The following SPOCK3 variants were observed in gnomAD, a reference collection of about 807,000 sequenced individuals.
SPOCK3 encodes testican-3.
A neutral mutation model predicts 56.6 loss-of-function variants in SPOCK3; 30 were observed. That is an observed-to-expected ratio of 0.53 (90% CI 0.40 to 0.72). The LOEUF (loss-of-function observed/expected upper bound fraction) is 0.72. Among genes scored for constraint, SPOCK3 ranks in the 30% least tolerant of loss-of-function variants. The pLI, the probability that SPOCK3 is intolerant of heterozygous loss-of-function variation, is 0.00. For missense variants in SPOCK3, 527 were observed against 530.0 expected (o/e 0.99, Z 0.06); for synonymous variants, 196 against 183.3 (o/e 1.07, Z -0.56).
intron 6 of SPOCK3, among the ~76,000 whole-genome samples, chr4:166,851,361 A>G (rs867160739): frequency 7.9e-5 from 12 of 152,214 alleles, no homozygotes; most frequent in African/African-American, 2.4e-4. Flanking sequence ...AACCACAAAG[A>G]TGGGGAAAAG....
At chr4:166,746,252 G>C (rs1281107709) in intron 8 of SPOCK3, among the ~76,000 whole-genome samples, 1 of 152,054 alleles carries the variant, frequency 6.6e-6, no homozygotes, top group African/African-American at 2.4e-5. Context: ...GCACTCCTCA[G>C]CCAGCAAATG....
At chr4:167,218,334 G>A (rs1240604316) in intron 2 of SPOCK3, among the ~76,000 whole-genome samples, 2 of 152,154 alleles carry the variant, frequency 1.3e-5, no homozygotes, top group African/African-American at 4.8e-5. Flanking sequence ...TAGTTCAAGA[G>A]TAGCAACTAG....
chr4:166,821,608 G>T (rs748752052), intron 6 of SPOCK3, among the ~76,000 whole-genome samples: 8 of 151,880 alleles, frequency 5.3e-5, no homozygotes, highest in Non-Finnish European at 1.2e-4. Flanking sequence ...GCAATAAAAA[G>T]GAACAAAGTA....
chr4:167,055,531 G>A (rs184005914), intron 3 of SPOCK3, among the ~76,000 whole-genome samples: 136 of 152,274 alleles, frequency 8.9e-4, no homozygotes, highest in African/African-American at 3.0e-3. Context: ...AAGGGGTCAG[G>A]GAGTTCCCTT....
At chr4:166,913,353 A>G (rs890330889) in intron 4 of SPOCK3, among the ~76,000 whole-genome samples, 1 of 152,134 alleles carries the variant, frequency 6.6e-6, no homozygotes, top group Non-Finnish European at 1.5e-5. Flanking sequence ...TCTGCCACCT[A>G]CACTTACGAT....
At chr4:166,937,055 T>G (rs1194288010) in intron 4 of SPOCK3, among the ~76,000 whole-genome samples, 69 of 152,222 alleles carry the variant, frequency 4.5e-4, no homozygotes, top group Non-Finnish European at 8.2e-4. Context: ...TTTAGCTGAA[T>G]TTCACTATGT....
At chr4:166,886,501 T>C (rs938434882) in intron 6 of SPOCK3, among the ~76,000 whole-genome samples, 1 of 152,154 alleles carries the variant, frequency 6.6e-6, no homozygotes, top group Non-Finnish European at 1.5e-5. Context: ...CTTGAATGTA[T>C]GTATTTGGAC....
At chr4:167,062,435 A>G in intron 3 of SPOCK3, 57 bp downstream of exon 3, 1 of 1,324,520 alleles carries the variant, frequency 7.5e-7, no homozygotes, top group South Asian at 1.3e-5. Flanking sequence ...TCATTTCTAA[A>G]AGTACAATGA....
intron 8 of SPOCK3, among the ~76,000 whole-genome samples, chr4:166,744,099 A>G (rs1465076676): frequency 6.6e-6 from 1 of 152,172 alleles, no homozygotes; most frequent in Non-Finnish European, 1.5e-5. Flanking sequence ...AGCTTTGAAG[A>G]GAGCAGTGGT....
At chr4:166,943,402 A>T (rs1233731351) in intron 4 of SPOCK3, among the ~76,000 whole-genome samples, 1 of 152,226 alleles carries the variant, frequency 6.6e-6, no homozygotes, top group South Asian at 2.1e-4. Flanking sequence ...AAAGAGATAT[A>T]ATACTTAATA....
In SPOCK3 at chr4:167,000,293, T is replaced by C; in HGVS notation, c.350+56A>G. Reference sequence around the variant, plus strand: ...ACTGCCAAATATTTATACTCTGCAGTTATTCCTGGTAAGGAGCGCTGTTCA... The same window carrying C: ...ACTGCCAAATATTTATACTCTGCAGCTATTCCTGGTAAGGAGCGCTGTTCA... On this transcript the variant is annotated intron_variant, in intron 4 of 10. Coordinates refer to ENST00000357545, the MANE Select transcript of SPOCK3 (RefSeq NM_001040159.2). 4 of 825,626 alleles carry C rather than the reference T, an allele frequency of 4.8e-6. No homozygotes were observed. The South Asian group carries it at 6.8e-5, about 14-fold the overall frequency. The allele number at this position is 825,626 out of a possible 1,614,324, so 51.1% of individuals were successfully genotyped here. A position where few individuals can be genotyped will look rare whatever the true frequency, so the allele number is the denominator to read the frequency against.
At chr4:166,741,960 A>G in intron 9 of SPOCK3, 37 bp downstream of exon 9, 1 of 1,426,550 alleles carries the variant, frequency 7.0e-7, no homozygotes, top group Non-Finnish European at 9.9e-7. Flanking sequence ...TATTTATGTA[A>G]GCAATAAAGC....
intron 4 of SPOCK3, among the ~76,000 whole-genome samples, chr4:166,962,147 T>C (rs1744212079): frequency 6.6e-6 from 1 of 152,158 alleles, no homozygotes; most frequent in Admixed American, 6.6e-5. Context: ...ACTATGAGCC[T>C]ACTCCAATAA....
chr4:166,957,895 C>G (rs1743672141), intron 4 of SPOCK3, among the ~76,000 whole-genome samples: 1 of 152,048 alleles, frequency 6.6e-6, no homozygotes, highest in Non-Finnish European at 1.5e-5. Flanking sequence ...ATTAGCTTTA[C>G]TCAGATGAGA....
At chr4:166,915,014 G>T (rs1226562563) in intron 4 of SPOCK3, among the ~76,000 whole-genome samples, 1 of 151,870 alleles carries the variant, frequency 6.6e-6, no homozygotes, top group East Asian at 1.9e-4. Context: ...TAGTTTTGAT[G>T]CTGGTCAGGA....
At chr4:166,752,569 T>TAC (rs1736544754) in intron 8 of SPOCK3, among the ~76,000 whole-genome samples, 6 of 9,024 alleles carry the variant, frequency 6.6e-4, no homozygotes, top group African/African-American at 3.0e-3. Flanking sequence ...TATATATATA[T>TAC]ATATACACAC....
chr4:166,783,498 A>G (rs1228468497), intron 7 of SPOCK3, among the ~76,000 whole-genome samples: 1 of 152,210 alleles, frequency 6.6e-6, no homozygotes, highest in African/African-American at 2.4e-5. Flanking sequence ...AAAAATAAGC[A>G]TGCATTACTT....
chr4:167,061,767 A>AT (rs900574810), intron 3 of SPOCK3, among the ~76,000 whole-genome samples: 14 of 151,988 alleles, frequency 9.2e-5, no homozygotes, highest in East Asian at 3.9e-4. Context: ...TAAAGAAGAA[A>AT]TTTTTTTTCT....
chr4:166,914,537 G>A (rs1262961430), intron 4 of SPOCK3, among the ~76,000 whole-genome samples: 5 of 152,168 alleles, frequency 3.3e-5, no homozygotes, highest in African/African-American at 9.7e-5. Flanking sequence ...GTGGGAGGCC[G>A]AGACAGGCGG....
Sources: allele counts gnomAD v4.1 joint callset (sites outside exome capture counted in the v4.1 genomes callset), GRCh38; gene constraint gnomAD v4.1.1; transcripts MANE v1.5; gene names NCBI Gene and HGNC (gene_info 2026-07-23, HGNC 2026-07-21).